GABRG3: variants seen among roughly 807,000 people sequenced by gnomAD.
GABRG3 encodes the protein gamma-aminobutyric acid type A receptor subunit gamma3.
In GABRG3, 25 loss-of-function variants were observed where a neutral mutation model predicts 48.8. The ratio of observed to expected loss-of-function variants is 0.51; its 90% confidence interval spans 0.37 to 0.72. The LOEUF (loss-of-function observed/expected upper bound fraction) is 0.72, where lower values mean the gene tolerates loss of function less well. Among genes scored for constraint, GABRG3 ranks in the 30% least tolerant of loss-of-function variants. GABRG3 has a pLI of 0.00. For missense variants in GABRG3, 394 were observed against 577.9 expected, an observed-to-expected ratio of 0.68 and a Z score of 3.26; for synonymous variants, 227 against 217.6, an observed-to-expected ratio of 1.04 and a Z score of -0.38.
intron 5 of GABRG3, among the ~76,000 whole-genome samples, chr15:27,350,595 CAGGGAGTCTGG>C (rs894962591): frequency 8.5e-5 from 13 of 152,138 alleles, no homozygotes; most frequent in African/African-American, 1.9e-4. Flanking sequence ...TCTCTACGTC[CAGGGAGTCTGG>C]AGGGAGTCTG....
At chr15:26,997,434 G>GA (rs1895362758) in intron 2 of GABRG3, among the ~76,000 whole-genome samples, 1 of 151,928 alleles carries the variant, frequency 6.6e-6, no homozygotes, top group Admixed American at 6.6e-5. Flanking sequence ...TTTGACATTT[G>GA]AAAAAATATA....
chr15:27,213,496 C>G (rs1448150279), intron 3 of GABRG3, among the ~76,000 whole-genome samples: 1 of 152,170 alleles, frequency 6.6e-6, no homozygotes, highest in African/African-American at 2.4e-5. Context: ...CGTTAAAACA[C>G]AGGGGACTTC....
At chr15:27,230,238 C>T (rs761853155) in intron 3 of GABRG3, among the ~76,000 whole-genome samples, 12 of 152,100 alleles carry the variant, frequency 7.9e-5, no homozygotes, top group African/African-American at 1.7e-4. Flanking sequence ...TCATATAAAT[C>T]GAACCAAACC....
chr15:27,248,549 A>G (rs922664888), intron 3 of GABRG3, among the ~76,000 whole-genome samples: 3 of 152,168 alleles, frequency 2.0e-5, no homozygotes, highest in African/African-American at 7.2e-5. Context: ...CGCATCTCAG[A>G]CACAAAATAT....
intron 3 of GABRG3, among the ~76,000 whole-genome samples, chr15:27,069,826 A>C (rs186511578): frequency 5.9e-4 from 90 of 152,350 alleles, no homozygotes; most frequent in African/African-American, 2.1e-3. Flanking sequence ...CAAAAATCAG[A>C]TGCCTTGGTC....
chr15:27,351,921 GTT>G (rs1015685712), intron 5 of GABRG3, among the ~76,000 whole-genome samples: 4 of 149,326 alleles, frequency 2.7e-5, no homozygotes, highest in Non-Finnish European at 6.0e-5. Flanking sequence ...GTGTGTGTGT[GTT>G]TGTGTGTGTA....
At chr15:27,206,231 C>G (rs992376729) in intron 3 of GABRG3, among the ~76,000 whole-genome samples, 5 of 152,022 alleles carry the variant, frequency 3.3e-5, no homozygotes, top group African/African-American at 1.2e-4. Context: ...TAGCTGTGTC[C>G]CAGAGATCTG....
chr15:27,280,745 AG>A (rs1434159306), intron 3 of GABRG3, among the ~76,000 whole-genome samples: 1 of 152,224 alleles, frequency 6.6e-6, no homozygotes, highest in African/African-American at 2.4e-5. Flanking sequence ...TTTAGTGTCT[AG>A]GATACGGTTT....
At chr15:27,300,721 AT>A (rs1364093963) in intron 3 of GABRG3, among the ~76,000 whole-genome samples, 1 of 151,094 alleles carries the variant, frequency 6.6e-6, no homozygotes, top group Admixed American at 6.6e-5. Context: ...ATTTCAACAA[AT>A]GTTAAAAACA....
intron 3 of GABRG3, among the ~76,000 whole-genome samples, chr15:27,049,456 G>C (rs996123782): frequency 1.3e-5 from 2 of 152,072 alleles, no homozygotes; most frequent in African/African-American, 2.4e-5. Context: ...CTTCTAACTT[G>C]GGAGCTCAAT....
rs532849165 is a variant in GABRG3, at chr15:27,342,833, G to A, written c.574+13945G>A. On this transcript the variant is annotated intron_variant, in intron 5 of 9. Transcript: ENST00000615808. Reference sequence around the variant, plus strand: ...GACCAGGGGCTCCTGGACGCAGAGCGTTGCTCCCGCCTCACCTGCTCCTGC... The same window carrying A: ...GACCAGGGGCTCCTGGACGCAGAGCATTGCTCCCGCCTCACCTGCTCCTGC... Among the ~76,000 whole-genome samples the A allele has an allele frequency of 1.6e-3, 247 of 152,262 alleles. 2 individuals are homozygous for A. Among genetic ancestry groups the A allele is most frequent in the Non-Finnish European group, 2.7e-3 (182 of 68,016 alleles).
At chr15:27,438,552 G>T (rs1420588297) in intron 5 of GABRG3, among the ~76,000 whole-genome samples, 1 of 152,200 alleles carries the variant, frequency 6.6e-6, no homozygotes, top group African/African-American at 2.4e-5. Flanking sequence ...GGGGAGGGCT[G>T]CCGTCTGCTC....
At chr15:27,208,533 G>T in intron 3 of GABRG3, 2 of 185,170 alleles carry the variant, frequency 1.1e-5, no homozygotes, top group Non-Finnish European at 2.2e-5. Flanking sequence ...TAAATCTTCA[G>T]GGTGACCTCA....
chr15:27,368,031 C>T (rs1323933847), intron 5 of GABRG3, among the ~76,000 whole-genome samples: 1 of 152,190 alleles, frequency 6.6e-6, no homozygotes, highest in Non-Finnish European at 1.5e-5. Flanking sequence ...AGGTTTGGGC[C>T]TCTCACCTCA....
intron 3 of GABRG3, among the ~76,000 whole-genome samples, chr15:27,098,065 T>C (rs1213045721): frequency 6.6e-6 from 1 of 151,970 alleles, no homozygotes; most frequent in Non-Finnish European, 1.5e-5. Context: ...TTTGGAGTTA[T>C]CACAATTTTA....
chr15:27,074,997 C>T (rs10519569), intron 3 of GABRG3, among the ~76,000 whole-genome samples: 31,402 of 152,022 alleles, frequency 0.21, 3,401 homozygotes, highest in Middle Eastern at 0.27. Context: ...ACTTAACAGC[C>T]TACATTCAAA....
chr15:27,469,625 G>C (rs955939598), intron 5 of GABRG3, among the ~76,000 whole-genome samples: 2 of 152,182 alleles, frequency 1.3e-5, no homozygotes, highest in African/African-American at 4.8e-5. Flanking sequence ...ACAGACGTGA[G>C]CCACCGCGCC....
chr15:27,308,300 T>TAATATAAA lies in GABRG3; in HGVS notation c.271-18509_271-18508insAATATAAA. Among the ~76,000 whole-genome samples, 70 of 115,584 alleles carry TAATATAAA rather than the reference T, an allele frequency of 6.1e-4. 5 individuals are homozygous for TAATATAAA. The highest frequency in any genetic ancestry group is 3.4e-3 in the African/African-American group (67 of 19,690). 75.8% of individuals were successfully genotyped at this position (115,584 alleles called of 152,430 possible). A position where few individuals can be genotyped will look rare whatever the true frequency, so the allele number is the denominator to read the frequency against. On this transcript the variant is annotated intron_variant, in intron 3 of 9. Transcript: ENST00000615808. ...ATAAACATACGTTTATATATAAACA[T>TAATATAAA]CATATAAACATATATAAACATACGT...
chr15:27,227,002 G>A (rs8028221), intron 3 of GABRG3, among the ~76,000 whole-genome samples: 39,000 of 151,640 alleles, frequency 0.26, 8,075 homozygotes, highest in African/African-American at 0.55. Context: ...TGATATCAGG[G>A]AAAAAAAACT....
Sources: gnomAD v4.1 joint callset for allele counts (sites outside exome capture counted in the v4.1 genomes callset) on GRCh38, gnomAD v4.1.1 for gene constraint, MANE v1.5 for transcripts, NCBI Gene and HGNC (gene_info 2026-07-23, HGNC 2026-07-21) for gene names.